Variants in SLC45A3 observed in about 807,000 individuals in gnomAD.
SLC45A3 encodes the protein prostate cancer associated protein 2.
A neutral mutation model predicts 35.3 loss-of-function variants in SLC45A3; 17 were observed. The observed-to-expected ratio is 0.48, with a 90% CI of 0.33 to 0.72. SLC45A3 has a LOEUF of 0.72. SLC45A3 is among the 30% of genes least tolerant of loss of function. The pLI, the probability that SLC45A3 is intolerant of heterozygous loss-of-function variation, is 0.02. For missense variants in SLC45A3, 597 were observed against 731.7 expected, an observed-to-expected ratio of 0.82 and a Z score of 2.12; for synonymous variants, 288 against 334.3, an observed-to-expected ratio of 0.86 and a Z score of 1.51.
intron 1 of SLC45A3, among the ~76,000 whole-genome samples, chr1:205,668,611 C>A (rs1393535927): frequency 6.6e-6 from 1 of 152,160 alleles, no homozygotes; most frequent in African/African-American, 2.4e-5. Context: ...TGCCCTACTG[C>A]TCCTGGAACA....
At chr1:205,665,234 A>T (rs924217883) in intron 1 of SLC45A3, among the ~76,000 whole-genome samples, 1 of 152,132 alleles carries the variant, frequency 6.6e-6, no homozygotes, top group Non-Finnish European at 1.5e-5. Context: ...CCAGCTATCA[A>T]GGTGCCCCTG....
intron 1 of SLC45A3, among the ~76,000 whole-genome samples, chr1:205,675,954 C>G (rs1056510784): frequency 6.6e-6 from 1 of 152,202 alleles, no homozygotes; most frequent in Non-Finnish European, 1.5e-5. Flanking sequence ...CCATCCTCCC[C>G]ACTAGTGCTT....
Position 205,669,969 on chromosome 1 carries a change from G to A in SLC45A3, c.-230-5083C>T, listed in dbSNP as rs1671182409. 1.3e-5 allele frequency among the ~76,000 whole-genome samples: 2 copies of A among 152,184 alleles called. No homozygotes were observed. Among genetic ancestry groups the A allele is most frequent in the Admixed American group, 1.3e-4 (2 of 15,284 alleles). On this transcript the variant is annotated intron_variant, in intron 1 of 4. Coordinates refer to ENST00000367145, the MANE Select transcript of SLC45A3 (RefSeq NM_033102.3). The surrounding 1 kb of genome is among the most constrained non-coding windows in gnomAD (Gnocchi z 4.1). The stretch of plus-strand genomic sequence containing the variant: ...CTCTCCAGGGTCCTCTAGGTTGGGG[G>A]CAGGGAGTGGACCTCTCAGGTCTGG...
intron 1 of SLC45A3, among the ~76,000 whole-genome samples, chr1:205,679,432 G>T (rs1014520767): frequency 6.6e-6 from 1 of 152,158 alleles, no homozygotes; most frequent in East Asian, 1.9e-4. Context: ...GTGCCTGGGG[G>T]GAGCGGAAGA....
At chr1:205,679,685 A>AACACACACACACACACAC (rs55762304) in intron 1 of SLC45A3, among the ~76,000 whole-genome samples, 354 of 138,842 alleles carry the variant, frequency 2.5e-3, no homozygotes, top group East Asian at 0.013. Flanking sequence ...GGGACACAGT[A>AACACACACACACACACAC]ACACACACAC....
Position 205,658,765 on chromosome 1 carries a change from T to C in SLC45A3, c.*469A>G, listed in dbSNP as rs1670966030. 8.2e-6 allele frequency: 2 copies of C among 242,704 alleles called. No individual in the cohort carries two copies. Among genetic ancestry groups the C allele is most frequent in the Non-Finnish European group, 1.6e-5 (2 of 122,688 alleles). 15.0% of individuals were successfully genotyped at this position (242,704 alleles called of 1,614,324 possible). A position where few individuals can be genotyped will look rare whatever the true frequency, so the allele number is the denominator to read the frequency against. On this transcript the variant is annotated 3_prime_UTR_variant, in exon 5 of 5. Transcript: ENST00000367145. ...TATGTTCAAATCCCATGGAGGAGTG[T>C]TTCATCCTAGAAACTCCCATGCAAG...
At chr1:205,670,159 C>G (rs1671186454) in intron 1 of SLC45A3, among the ~76,000 whole-genome samples, 1 of 152,240 alleles carries the variant, frequency 6.6e-6, no homozygotes, top group Non-Finnish European at 1.5e-5. Context: ...CCAGAAAGAG[C>G]CTGCACTAGC....
rs368334438 is a variant in SLC45A3, at chr1:205,661,822, C to A, written c.1224+39G>T. 4.4e-6 allele frequency: 7 copies of A among 1,580,726 alleles called. No individual in the cohort carries two copies. The African/African-American group carries it at 9.4e-5, about 21-fold the overall frequency. On this transcript the variant is annotated intron_variant, in intron 4 of 4. Coordinates refer to ENST00000367145, the MANE Select transcript of SLC45A3 (RefSeq NM_033102.3). ...GTTGGCCTCCCAAAAACCCAGACCA[C>A]CCCTCCCACCCTGACTCCACCCACT...
chr1:205,675,732 G>T (rs1459682931), intron 1 of SLC45A3, among the ~76,000 whole-genome samples: 1 of 152,064 alleles, frequency 6.6e-6, no homozygotes. Flanking sequence ...TGGTCACCGT[G>T]CTCCAGTTAC....
rs1671087186 is a variant in SLC45A3 at position 205,664,585 on chromosome 1, T to C, written c.72A>G (p.Leu24=). The change falls in exon 2 of 5, where the codon CTA becomes CTG. Residue 24 remains leucine, a synonymous_variant. Transcript: ENST00000367145. This position sits in a 1 kb window ranked among gnomAD's most constrained non-coding sequence, Gnocchi z 5.3. The part of the protein sequence containing the change: ...RKAQLLLVNL[L]TFGLEVCLAA... ...CCAAACACACCTCCAGGCCAAAGGT[T>C]AGCAGGTTGACCAGCAAGAGCTGGG... is the stretch of plus-strand genomic sequence containing the variant. 4 of 1,614,130 alleles carry C rather than the reference T, an allele frequency of 2.5e-6. No individual in the cohort carries two copies. The highest frequency in any genetic ancestry group is 3.4e-6 in the Non-Finnish European group (4 of 1,180,052).
Position 205,661,887 on chromosome 1 carries a change from C to A in SLC45A3, c.1198G>T (p.Ala400Ser). 1 of 1,613,870 alleles carries A rather than the reference C, an allele frequency of 6.2e-7. No individual in the cohort carries two copies. Among genetic ancestry groups the A allele is most frequent in the South Asian group, 1.1e-5 (1 of 91,064 alleles). The change falls in exon 4 of 5, where the codon GCC becomes TCC. Residue 400 changes from alanine to serine, a missense_variant. Ala to Ser is a moderately conservative substitution (Grantham distance 99). Around this residue, in one of 3 missense-constraint regions of SLC45A3, gnomAD observed 555 missense variants for 664.9 expected, o/e 0.83. Coordinates refer to ENST00000367145, the MANE Select transcript of SLC45A3 (RefSeq NM_033102.3). Reference sequence around the variant, plus strand: ...TGCTTCTCCCGGTGGTAGAGGGAGGCCAGTGTGTAGGGCAGGATCTGCAGG... The same window carrying A: ...TGCTTCTCCCGGTGGTAGAGGGAGGACAGTGTGTAGGGCAGGATCTGCAGG... The part of the protein sequence containing the change: ...SALQILPYTL[A>S]SLYHREKQVF...
Position 205,659,002 on chromosome 1 carries a change from C to T in SLC45A3, c.*232G>A. 1 of 551,712 alleles carries T rather than the reference C, an allele frequency of 1.8e-6. No individual in the cohort carries two copies. Among genetic ancestry groups the T allele is most frequent in the Non-Finnish European group, 3.2e-6 (1 of 310,770 alleles). 34.2% of individuals were successfully genotyped at this position (551,712 alleles called of 1,614,324 possible). ...CTGTATAAGTCCAGACTGAAACCCC[C>T]TTGGAAGGCCTCCAGTCAGGCAGCC... On this transcript the variant is annotated 3_prime_UTR_variant, in exon 5 of 5. Coordinates refer to ENST00000367145, the MANE Select transcript of SLC45A3 (RefSeq NM_033102.3). The surrounding 1 kb of genome is among the most constrained non-coding windows in gnomAD (Gnocchi z 5.8).
chr1:205,675,505 G>A (rs1671296239), intron 1 of SLC45A3, among the ~76,000 whole-genome samples: 1 of 152,108 alleles, frequency 6.6e-6, no homozygotes, highest in South Asian at 2.1e-4. Context: ...GTAAAACAAG[G>A]CCCTTGGAGC....
intron 1 of SLC45A3, among the ~76,000 whole-genome samples, chr1:205,677,183 C>A (rs1323306233): frequency 6.6e-6 from 1 of 152,168 alleles, no homozygotes; most frequent in Non-Finnish European, 1.5e-5. Flanking sequence ...GTAGGCTGGG[C>A]AGGGGTTTCT....
intron 1 of SLC45A3, among the ~76,000 whole-genome samples, chr1:205,677,179 T>C (rs1671327592): frequency 6.6e-6 from 1 of 152,200 alleles, no homozygotes. Flanking sequence ...GAAGGTAGGC[T>C]GGGCAGGGGT....
At chr1:205,674,347 G>A (rs1671268564) in intron 1 of SLC45A3, among the ~76,000 whole-genome samples, 1 of 152,140 alleles carries the variant, frequency 6.6e-6, no homozygotes, top group Admixed American at 6.5e-5. Flanking sequence ...AGCACTTTGG[G>A]AGGCTGAGGG....
intron 1 of SLC45A3, among the ~76,000 whole-genome samples, chr1:205,675,558 C>T (rs1375813043): frequency 6.6e-6 from 1 of 152,136 alleles, no homozygotes; most frequent in Non-Finnish European, 1.5e-5. Flanking sequence ...TGGTCTCTCC[C>T]CAGTGAGGTG....
At chr1:205,676,782 C>T (rs1671320612) in intron 1 of SLC45A3, among the ~76,000 whole-genome samples, 1 of 152,130 alleles carries the variant, frequency 6.6e-6, no homozygotes, top group Non-Finnish European at 1.5e-5. Flanking sequence ...CCAGCTGCCC[C>T]CCTCCCCAGC....
At chr1:205,674,870 C>T (rs1423256145) in intron 1 of SLC45A3, among the ~76,000 whole-genome samples, 1 of 151,986 alleles carries the variant, frequency 6.6e-6, no homozygotes, top group African/African-American at 2.4e-5. Context: ...CGTGTGTCAC[C>T]ACGCCAGGCT....
Sources: allele counts gnomAD v4.1 joint callset (sites outside exome capture counted in the v4.1 genomes callset), GRCh38; gene constraint gnomAD v4.1.1; regional missense constraint gnomAD v4.1.1; non-coding constraint Gnocchi (gnomAD v3.1); transcripts MANE v1.5; gene names NCBI Gene and HGNC (gene_info 2026-07-23, HGNC 2026-07-21).